The following COBL variants were observed in gnomAD, a reference collection of about 807,000 sequenced individuals.
COBL encodes the protein protein cordon-bleu.
COBL carries 51 observed loss-of-function variants against 98.8 expected under a neutral mutation model. That is an observed-to-expected ratio of 0.52 (90% confidence interval 0.41 to 0.65). COBL has a LOEUF of 0.65. Ranked by LOEUF, COBL falls within the 30% of genes least tolerant of loss-of-function variation. The pLI is 0.00. For missense variants in COBL, 1,617 were observed against 1,617.5 expected, an observed-to-expected ratio of 1.00 and a Z score of 0.01; for synonymous variants, 634 against 651.7, an observed-to-expected ratio of 0.97 and a Z score of 0.41.
rs188109301 is a variant in COBL, at chr7:51,066,690, C to T, written c.1096+18476G>A. ...CTTTAGCCATCATCACTTCCTGCCC[C>T]GACCCCGCTGGCAGCGAATCTATGA... On this transcript the variant is annotated intron_variant, in intron 7 of 12. Coordinates refer to ENST00000265136, the MANE Select transcript of COBL (RefSeq NM_015198.5). Among the ~76,000 whole-genome samples, 518 of 152,268 alleles carry T rather than the reference C, an allele frequency of 3.4e-3. 3 individuals carry two copies. The highest frequency in any genetic ancestry group is 0.011 in the African/African-American group (447 of 41,564).
At chr7:51,110,167 C>T (rs1367241174) in intron 6 of COBL, among the ~76,000 whole-genome samples, 1 of 152,168 alleles carries the variant, frequency 6.6e-6, no homozygotes, top group Non-Finnish European at 1.5e-5. Flanking sequence ...TTATTGTTAA[C>T]AATAGTCATC....
At chr7:51,191,726 C>T (rs1790136888) in intron 3 of COBL, among the ~76,000 whole-genome samples, 1 of 152,108 alleles carries the variant, frequency 6.6e-6, no homozygotes, top group Admixed American at 6.5e-5. Context: ...GAAAAACACT[C>T]AGTTGACTAA....
At position 51,207,739 on chromosome 7, in the gene COBL, G is replaced by C. The variant is rs566461045; in HGVS notation, c.245+12002C>G. 1.4e-4 allele frequency among the ~76,000 whole-genome samples: 21 copies of C among 152,342 alleles called. No homozygotes were observed. In the South Asian group the frequency reaches 4.3e-3, roughly 32 times the overall value. The stretch of plus-strand genomic sequence containing the variant: ...AGTCTCGTTCACTCAGTGCTCAATG[G>C]TGCCCAGGCTGGAGTGCAGTGACGT... On this transcript the variant is annotated intron_variant, in intron 2 of 12. Coordinates refer to ENST00000265136, the MANE Select transcript of COBL (RefSeq NM_015198.5).
intron 1 of COBL, among the ~76,000 whole-genome samples, chr7:51,236,647 G>A (rs777589046): frequency 3.9e-5 from 6 of 152,010 alleles, no homozygotes; most frequent in Non-Finnish European, 8.8e-5. Context: ...AACAGGGAGG[G>A]GCTTGGGTTG....
chr7:51,085,072 T>C (rs1794068621), intron 7 of COBL, 94 bp downstream of exon 7: 2 of 1,576,336 alleles, frequency 1.3e-6, no homozygotes, highest in South Asian at 1.1e-5. Flanking sequence ...AATGTCATTA[T>C]GGATGAGGCC....
chr7:51,176,409 G>GAC (rs112105124), intron 5 of COBL, among the ~76,000 whole-genome samples: 4,914 of 149,372 alleles, frequency 0.033, 160 homozygotes, highest in African/African-American at 0.088. Context: ...TACACACACA[G>GAC]ACACACACAC....
rs1562890038 is a variant in COBL, at chr7:51,085,277, G to A, written c.985C>T (p.Gln329Ter). The change falls in exon 7 of 13, where the codon CAG becomes TAG. Residue 329 changes from glutamine (Q) to a stop codon, truncating the protein, a stop_gained. Coordinates refer to ENST00000265136, the MANE Select transcript of COBL (RefSeq NM_015198.5). LOFTEE classifies it high-confidence loss of function. Reference sequence around the variant, plus strand: ...GCTGGCGCTCGCCGCTTCTTCTTCTGTAAATCAATCTGTGACCCAAGAGAT... The same window carrying A: ...GCTGGCGCTCGCCGCTTCTTCTTCTATAAATCAATCTGTGACCCAAGAGAT... Reference protein sequence around the residue: ...KVSLGSQIDLQKKKRRAPAPP... With the variant: ...KVSLGSQIDL The A allele has an allele frequency of 1.3e-6, 2 of 1,579,462 alleles. No homozygotes were observed. The highest frequency in any genetic ancestry group is 2.3e-5 in the East Asian group (1 of 43,712).
chr7:51,283,186 G>C (rs1437219878), intron 1 of COBL, among the ~76,000 whole-genome samples: 5 of 151,926 alleles, frequency 3.3e-5, no homozygotes, highest in Non-Finnish European at 5.9e-5. Context: ...AAAGGCAATA[G>C]AAAACAATGA....
chr7:51,142,377 T>A (rs1186241108), intron 5 of COBL, among the ~76,000 whole-genome samples: 2 of 141,872 alleles, frequency 1.4e-5, no homozygotes, highest in East Asian at 4.0e-4. Context: ...ATCCAACTGG[T>A]ATTTGATTTT....
At chr7:51,054,524 C>T (rs1034854219) in intron 7 of COBL, among the ~76,000 whole-genome samples, 1 of 152,130 alleles carries the variant, frequency 6.6e-6, no homozygotes, top group Non-Finnish European at 1.5e-5. Context: ...GACTGCCTGG[C>T]CTGGAGAGGA....
chr7:51,088,472 G>A (rs775072097), intron 6 of COBL, among the ~76,000 whole-genome samples: 7 of 151,634 alleles, frequency 4.6e-5, no homozygotes, highest in Non-Finnish European at 8.8e-5. Context: ...TAGCATCATG[G>A]TCTTGTTTCC....
chr7:51,181,484 C>T (rs190710653), intron 5 of COBL, among the ~76,000 whole-genome samples: 29 of 152,296 alleles, frequency 1.9e-4, no homozygotes, highest in Non-Finnish European at 3.2e-4. Context: ...CACCAATCAG[C>T]GTTATTTCTG....
chr7:51,265,024 G>C (rs372243160), intron 1 of COBL, among the ~76,000 whole-genome samples: 2 of 152,098 alleles, frequency 1.3e-5, no homozygotes, highest in African/African-American at 4.8e-5. Context: ...TCATGCTCAC[G>C]TTTCCAATGT....
At chr7:51,233,670 A>G (rs750513306) in intron 1 of COBL, among the ~76,000 whole-genome samples, 1 of 152,152 alleles carries the variant, frequency 6.6e-6, no homozygotes, top group Non-Finnish European at 1.5e-5. Flanking sequence ...ACTGATTGGA[A>G]CTCAACGGAC....
In COBL at chr7:51,308,667, C is replaced by T. The variant is rs552339233; in HGVS notation, c.41+7926G>A. Among the ~76,000 whole-genome samples, 3 of 152,284 alleles carry T rather than the reference C, an allele frequency of 2.0e-5. No homozygotes were observed. In the South Asian group the frequency reaches 6.2e-4, roughly 32 times the overall value. ...CAAGGAGTCTCTCCAACTTGCCTAC[C>T]TCCTCCAAACCAGCAGGAAGCTCTG... is the stretch of plus-strand genomic sequence containing the variant. On this transcript the variant is annotated intron_variant, in intron 1 of 12. Coordinates refer to ENST00000265136, the MANE Select transcript of COBL (RefSeq NM_015198.5).
intron 5 of COBL, among the ~76,000 whole-genome samples, chr7:51,167,085 T>C (rs1373799566): frequency 2.0e-5 from 3 of 152,110 alleles, no homozygotes; most frequent in African/African-American, 2.4e-5. Flanking sequence ...TTCAACATAA[T>C]ACTGGAAGTC....
At position 51,197,760 on chromosome 7, in the gene COBL, T is replaced by C. The variant is rs139449202; in HGVS notation, c.246-4171A>G. ...CTTGCTGAATTTAACCCTTTACCAT[T>C]ATGTAATGCCCTTCTTTGTCTTTTT... On this transcript the variant is annotated intron_variant, in intron 2 of 12. Coordinates refer to ENST00000265136, the MANE Select transcript of COBL (RefSeq NM_015198.5). Among the ~76,000 whole-genome samples, 626 of 152,366 alleles carry C rather than the reference T, an allele frequency of 4.1e-3. 4 individuals are homozygous for C. Among genetic ancestry groups the C allele is most frequent in the African/African-American group, 0.014 (581 of 41,578 alleles).
At chr7:51,195,190 G>A (rs752935093) in intron 2 of COBL, among the ~76,000 whole-genome samples, 20 of 152,136 alleles carry the variant, frequency 1.3e-4, no homozygotes, top group Non-Finnish European at 2.5e-4. Flanking sequence ...GTTATCTTTT[G>A]TACATGGTAT....
intron 1 of COBL, among the ~76,000 whole-genome samples, chr7:51,222,808 T>C (rs1184892925): frequency 2.0e-5 from 3 of 152,062 alleles, no homozygotes; most frequent in African/African-American, 4.8e-5. Flanking sequence ...CCAGTTCAAA[T>C]AGGAAGCAGC....
Sources: allele counts gnomAD v4.1 joint callset (sites outside exome capture counted in the v4.1 genomes callset), GRCh38; gene constraint gnomAD v4.1.1; transcripts MANE v1.5; gene names NCBI Gene and HGNC (gene_info 2026-07-23, HGNC 2026-07-21).